The following KPNA5 variants were observed in gnomAD, a reference collection of about 807,000 sequenced individuals.
The protein encoded by KPNA5 is karyopherin subunit alpha 5.
In KPNA5, 46 loss-of-function variants were observed where a neutral mutation model predicts 71.3. That is an observed-to-expected ratio of 0.65 (90% CI 0.51 to 0.83). The LOEUF is 0.83. Among genes scored for constraint, KPNA5 ranks in the 40% least tolerant of loss-of-function variants. KPNA5 has a pLI of 0.00. For missense variants in KPNA5, 547 were observed against 628.3 expected, an observed-to-expected ratio of 0.87 and a Z score of 1.38; for synonymous variants, 207 against 201.4, an observed-to-expected ratio of 1.03 and a Z score of -0.24.
intron 2 of KPNA5, among the ~76,000 whole-genome samples, chr6:116,690,333 A>G (rs758503073): frequency 2.0e-5 from 3 of 152,200 alleles, no homozygotes; most frequent in Non-Finnish European, 4.4e-5. Context: ...TGTTGAATAA[A>G]TGATTAGAAG....
In KPNA5 at chr6:116,716,312, T is replaced by C. The variant is rs745530935; in HGVS notation, c.750T>C (p.Phe250=). The change falls in exon 8 of 14, where the codon TTT becomes TTC. Residue 250 remains phenylalanine, a synonymous_variant. Transcript: ENST00000368564. ...GAGGCAAAAACCCTCCTCCAAACTTTAGTAAGGTATGAGTAAAATACACAA... is the reference window on the plus strand; with the variant it reads ...GAGGCAAAAACCCTCCTCCAAACTTCAGTAAGGTATGAGTAAAATACACAA... ...LCRGKNPPPN[F]SKVSPCLNVL... is the part of the protein sequence containing the mutation. 1.1e-5 allele frequency: 17 copies of C among 1,593,816 alleles called. No homozygotes were observed. The highest frequency in any genetic ancestry group is 1.7e-4 in the Middle Eastern group (1 of 5,988).
At chr6:116,710,886 T>C (rs1778639296) in intron 7 of KPNA5, among the ~76,000 whole-genome samples, 1 of 73,328 alleles carries the variant, frequency 1.4e-5, no homozygotes, top group Non-Finnish European at 2.3e-5. Flanking sequence ...TATATATATA[T>C]ATATATATTT....
At chr6:116,682,608 G>A (rs1466307866) in intron 1 of KPNA5, among the ~76,000 whole-genome samples, 1 of 152,144 alleles carries the variant, frequency 6.6e-6, no homozygotes, top group East Asian at 1.9e-4. Flanking sequence ...CCATGGAAAT[G>A]AAGGCTTTAC....
intron 10 of KPNA5, 75 bp from the exon 11 acceptor site, chr6:116,725,676 A>T: frequency 7.7e-7 from 1 of 1,297,802 alleles, no homozygotes; most frequent in Non-Finnish European, 1.1e-6. Context: ...TTGTACATCT[A>T]AATAATTCAT....
At position 116,741,146 on chromosome 6, in the gene KPNA5, AG is replaced by A. The variant is rs1240685672; in HGVS notation, c.*8824del. 1.3e-5 allele frequency: 2 copies of A among 152,122 alleles called. No homozygotes were observed. The highest frequency in any genetic ancestry group is 2.9e-5 in the Non-Finnish European group (2 of 68,022). 9.4% of individuals were successfully genotyped at this position (152,122 alleles called of 1,614,324 possible). ...TTTAGTGAAATGGCCCATGTGTGTA[AG>A]AAAAGAATGTGTTTTGTTAATTGAT... On this transcript the variant is annotated 3_prime_UTR_variant, in exon 14 of 14. Coordinates refer to ENST00000368564, the MANE Select transcript of KPNA5 (RefSeq NM_001366306.2).
In KPNA5 at chr6:116,739,554, C is replaced by A. The variant is rs1487015633; in HGVS notation, c.*7231C>A. On this transcript the variant is annotated 3_prime_UTR_variant, in exon 14 of 14. Transcript: ENST00000368564. The stretch of plus-strand genomic sequence containing the variant: ...CCGCATCGCCAAGTCAATCCTAAGC[C>A]AAAAGAACACAGCTGGAAGCATCAC... The A allele has an allele frequency of 1.3e-5, 2 of 152,148 alleles. No homozygotes were observed. The highest frequency in any genetic ancestry group is 2.1e-4 in the South Asian group (1 of 4,822). 9.4% of individuals were successfully genotyped at this position (152,148 alleles called of 1,614,324 possible).
At position 116,737,768 on chromosome 6, in the gene KPNA5, G is replaced by A. The variant is rs1391285385; in HGVS notation, c.*5445G>A. The A allele has an allele frequency of 6.6e-6, 1 of 151,910 alleles. No homozygotes were observed. The highest frequency in any genetic ancestry group is 1.5e-5 in the Non-Finnish European group (1 of 67,912). 9.4% of individuals were successfully genotyped at this position (151,910 alleles called of 1,614,324 possible). On this transcript the variant is annotated 3_prime_UTR_variant, in exon 14 of 14. Coordinates refer to ENST00000368564, the MANE Select transcript of KPNA5 (RefSeq NM_001366306.2). The stretch of plus-strand genomic sequence containing the variant: ...GTTCTTTTTAAAATCTCTGTTTAAT[G>A]TGGGCTTTGATCATTTTTCATATTG...
intron 2 of KPNA5, among the ~76,000 whole-genome samples, chr6:116,690,198 G>A (rs1777742983): frequency 6.6e-6 from 1 of 151,858 alleles, no homozygotes; most frequent in African/African-American, 2.4e-5. Context: ...GTCTCTCAAA[G>A]TGCTAGGATT....
intron 6 of KPNA5, among the ~76,000 whole-genome samples, chr6:116,703,904 G>C (rs1033570122): frequency 1.3e-5 from 2 of 152,174 alleles, no homozygotes; most frequent in Non-Finnish European, 2.9e-5. Flanking sequence ...ATGAATATGT[G>C]TTCTGAGAAA....
In KPNA5 at chr6:116,691,177, C is replaced by T. The variant is rs192126241; in HGVS notation, c.139-878C>T. Reference sequence around the variant, plus strand: ...CCAGGAGGTGGAGGTTGCAGTGAGCCGAGATTGTGCCACTGCACTCTGTCC... The same window carrying T: ...CCAGGAGGTGGAGGTTGCAGTGAGCTGAGATTGTGCCACTGCACTCTGTCC... On this transcript the variant is annotated intron_variant, in intron 2 of 13. Transcript: ENST00000368564. Among the ~76,000 whole-genome samples the T allele has an allele frequency of 8.7e-4, 133 of 152,228 alleles. 1 individual carries two copies. The highest frequency in any genetic ancestry group is 3.0e-3 in the African/African-American group (126 of 41,534).
At chr6:116,705,191 C>A (rs377309498) in intron 7 of KPNA5, 31 bp downstream of exon 7, 306 of 1,426,602 alleles carry the variant, frequency 2.1e-4, no homozygotes, top group Admixed American at 3.7e-4. Context: ...AAGTATATAT[C>A]AAAAACTATA....
chr6:116,720,998 C>T (rs1779084132), intron 8 of KPNA5, among the ~76,000 whole-genome samples: 1 of 152,122 alleles, frequency 6.6e-6, no homozygotes, highest in African/African-American at 2.4e-5. Flanking sequence ...TACATGAGTC[C>T]TAGGGTCATC....
chr6:116,690,504 G>A (rs1331732537), intron 2 of KPNA5, among the ~76,000 whole-genome samples: 8 of 151,878 alleles, frequency 5.3e-5, no homozygotes, highest in South Asian at 4.2e-4. Flanking sequence ...TTAGACATGC[G>A]TGGTGGCTGG....
intron 12 of KPNA5, among the ~76,000 whole-genome samples, chr6:116,729,158 C>CGTGTGTGTGTGTGTGTGTGTGTGTGT: frequency 8.9e-6 from 1 of 112,160 alleles, no homozygotes; most frequent in African/African-American, 3.4e-5. Flanking sequence ...ATATGACCTC[C>CGTGTGTGTGTGTGTGTGTGTGTGTGT]GTGTGTGTGT....
chr6:116,739,976 CA>C lies in KPNA5; in HGVS notation c.*7657del, dbSNP rs1416004281. The C allele has an allele frequency of 6.6e-6, 1 of 152,014 alleles. No individual in the cohort carries two copies. The highest frequency in any genetic ancestry group is 2.4e-5 in the African/African-American group (1 of 41,314). 9.4% of individuals were successfully genotyped at this position (152,014 alleles called of 1,614,324 possible). ...TCTAAAACACCAAAAGCAATGGCAA[CA>C]AAAGCCAAAATTGACAAATGGGATG... On this transcript the variant is annotated 3_prime_UTR_variant, in exon 14 of 14. Transcript: ENST00000368564.
At chr6:116,713,414 G>A (rs928224001) in intron 7 of KPNA5, among the ~76,000 whole-genome samples, 6 of 152,130 alleles carry the variant, frequency 3.9e-5, no homozygotes, top group African/African-American at 1.4e-4. Context: ...TTTTTGATGA[G>A]AAATCGGCTA....
chr6:116,729,587 T>C lies in KPNA5; in HGVS notation c.1278T>C (p.Ile426=), dbSNP rs953941173. 4 of 1,589,318 alleles carry C rather than the reference T, an allele frequency of 2.5e-6. No homozygotes were observed. The African/African-American group carries it at 5.4e-5, about 22-fold the overall frequency. ...GGTATTTGGTAGCTTTAGGCTGCATTAAACCACTTTGTGATCTTTTGACTG... is the reference window on the plus strand; with the variant it reads ...GGTATTTGGTAGCTTTAGGCTGCATCAAACCACTTTGTGATCTTTTGACTG... ...QIRYLVALGC[I]KPLCDLLTVM... The change falls in exon 13 of 14, where the codon ATT becomes ATC. Residue 426 remains isoleucine, a synonymous_variant. Coordinates refer to ENST00000368564, the MANE Select transcript of KPNA5 (RefSeq NM_001366306.2).
chr6:116,711,941 G>A (rs1190943343), intron 7 of KPNA5, among the ~76,000 whole-genome samples: 1 of 152,136 alleles, frequency 6.6e-6, no homozygotes, highest in Non-Finnish European at 1.5e-5. Flanking sequence ...AAGTTTTTAA[G>A]TGATACTTCT....
chr6:116,701,920 A>G (rs998773191), intron 5 of KPNA5, 99 bp from the exon 6 acceptor site: 45 of 1,050,224 alleles, frequency 4.3e-5, no homozygotes, highest in African/African-American at 3.2e-5. Flanking sequence ...TCAGTCTTTC[A>G]CACTTGTCCT....
Sources: gnomAD v4.1 joint callset for allele counts (sites outside exome capture counted in the v4.1 genomes callset) on GRCh38, gnomAD v4.1.1 for gene constraint, MANE v1.5 for transcripts, NCBI Gene and HGNC (gene_info 2026-07-23, HGNC 2026-07-21) for gene names.